Variants in NLRP5 observed in about 807,000 individuals in gnomAD.
NLRP5 encodes the protein NLR family pyrin domain containing 5.
In NLRP5, 93 loss-of-function variants were observed where a neutral mutation model predicts 113.1. The ratio of observed to expected loss-of-function variants is 0.82; its 90% confidence interval spans 0.70 to 0.98. NLRP5 has a LOEUF of 0.98. Ranked by LOEUF, NLRP5 falls within the 50% of genes least tolerant of loss-of-function variation. NLRP5 has a pLI of 0.00. For missense variants in NLRP5, 1,808 were observed against 1,514.3 expected, an observed-to-expected ratio of 1.19 and a Z score of -3.22; for synonymous variants, 751 against 600.7, an observed-to-expected ratio of 1.25 and a Z score of -3.66.
chr19:56,021,871 C>T (rs1197810990), intron 6 of NLRP5, among the ~76,000 whole-genome samples: 1 of 151,882 alleles, frequency 6.6e-6, no homozygotes, highest in Non-Finnish European at 1.5e-5. Context: ...TGGCAGAGTT[C>T]TGAAAAAAGG....
intron 10 of NLRP5, among the ~76,000 whole-genome samples, chr19:56,040,024 C>T (rs547103059): frequency 6.6e-6 from 1 of 152,290 alleles, no homozygotes; most frequent in Admixed American, 6.5e-5. Context: ...AATCACAGCT[C>T]ACTGCAGCCT....
the NLRP5 span, chr19:55,988,192 G>T: frequency 7.2e-5 from 15 of 209,640 alleles, no homozygotes; most frequent in Non-Finnish European, 1.0e-4. Context: ...AGGAGTTCCA[G>T]ACCAGCCTGG....
upstream of NLRP5, among the ~76,000 whole-genome samples, chr19:55,995,424 T>A (rs964951797): frequency 6.6e-6 from 1 of 152,202 alleles, no homozygotes; most frequent in African/African-American, 2.4e-5. Context: ...AAGAGTTGGC[T>A]ATAAATATAT....
At chr19:56,004,152 A>G (rs1192978602) in intron 2 of NLRP5, 57 bp downstream of exon 2, 27 of 1,530,236 alleles carry the variant, frequency 1.8e-5, no homozygotes, top group Non-Finnish European at 2.3e-5. Flanking sequence ...TCAGGTTCTC[A>G]TGGGAACAGG....
intron 1 of NLRP5, among the ~76,000 whole-genome samples, chr19:56,002,323 G>C (rs1981685386): frequency 6.6e-6 from 1 of 152,120 alleles, no homozygotes; most frequent in Non-Finnish European, 1.5e-5. Flanking sequence ...TAAGTATTCA[G>C]CAGTTTATTT....
intron 6 of NLRP5, among the ~76,000 whole-genome samples, chr19:56,020,874 A>ATTT (rs36047346): frequency 9.5e-4 from 130 of 137,552 alleles, no homozygotes; most frequent in African/African-American, 3.0e-3. Flanking sequence ...CCTTCGTGGC[A>ATTT]TTTTTTTTTT....
intron 9 of NLRP5, among the ~76,000 whole-genome samples, chr19:56,034,391 G>C (rs967600016): frequency 6.6e-6 from 1 of 151,994 alleles, no homozygotes; most frequent in African/African-American, 2.4e-5. Context: ...TGTCTCAAAG[G>C]AAAAAAAGTG....
At chr19:55,999,821 C>T (rs558523868) in intron 1 of NLRP5, 22 of 1,539,532 alleles carry the variant, frequency 1.4e-5, no homozygotes, top group East Asian at 4.5e-5. Context: ...TATGAGGAAA[C>T]CGACCCTCAG....
At chr19:56,022,246 G>T (rs866991631) in intron 6 of NLRP5, among the ~76,000 whole-genome samples, 3 of 152,160 alleles carry the variant, frequency 2.0e-5, no homozygotes, top group Middle Eastern at 3.4e-3. Flanking sequence ...TTGAAACAGG[G>T]TCTTGCTGTG....
chr19:56,018,615 G>A (rs1982495858), intron 4 of NLRP5: 1 of 152,158 alleles, frequency 6.6e-6, no homozygotes, highest in Non-Finnish European at 1.5e-5. Context: ...AAGAGAGAGA[G>A]TTTTGCTGTA....
At chr19:56,037,714 A>AAAG (rs200215825) in intron 9 of NLRP5, among the ~76,000 whole-genome samples, 45 of 131,738 alleles carry the variant, frequency 3.4e-4, no homozygotes, top group Middle Eastern at 4.2e-3. Flanking sequence ...AAAAAAAAAA[A>AAAG]TGTTGGCTGG....
Position 56,046,812 on chromosome 19 carries a change from G to A in NLRP5, c.2958-3606G>A, listed in dbSNP as rs183725175. Among the ~76,000 whole-genome samples, 7 of 152,344 alleles carry A rather than the reference G, an allele frequency of 4.6e-5. 1 individual carries two copies. Among genetic ancestry groups the A allele is most frequent in the South Asian group, 2.1e-4 (1 of 4,832 alleles). ...CTCCCAAAGTGCTGGGATCACAGGC[G>A]TGAGCCATCGCGCCCAGCCACCACT... is the stretch of plus-strand genomic sequence containing the variant. On this transcript the variant is annotated intron_variant, in intron 11 of 14. Transcript: ENST00000390649.
intron 3 of NLRP5, among the ~76,000 whole-genome samples, chr19:56,013,165 G>C (rs1304057757): frequency 2.0e-5 from 3 of 151,976 alleles, no homozygotes; most frequent in African/African-American, 7.3e-5. Flanking sequence ...TTGTGTGACT[G>C]GCTTTCTTCA....
intron 11 of NLRP5, among the ~76,000 whole-genome samples, chr19:56,048,924 T>G (rs961516554): frequency 6.7e-6 from 1 of 150,184 alleles, no homozygotes; most frequent in African/African-American, 2.4e-5. Flanking sequence ...TTTCTGTCTT[T>G]GGTGGATTGG....
chr19:56,030,764 G>C (rs1369197528), intron 7 of NLRP5, among the ~76,000 whole-genome samples: 1 of 114,458 alleles, frequency 8.7e-6, no homozygotes, highest in Non-Finnish European at 1.6e-5. Context: ...ACCCAGGCTG[G>C]AGTGCAGTGG....
intron 11 of NLRP5, among the ~76,000 whole-genome samples, chr19:56,046,414 G>T (rs1983727490): frequency 6.6e-6 from 1 of 150,714 alleles, no homozygotes; most frequent in Admixed American, 6.6e-5. Context: ...GTGTGTGTGT[G>T]TGTGTGTGTT....
the NLRP5 span, chr19:55,988,440 G>GTATATATATATATATATATATA: frequency 9.9e-6 from 1 of 100,558 alleles, no homozygotes; most frequent in Non-Finnish European, 2.0e-5. Flanking sequence ...ATATATGTGT[G>GTATATATATATATATATATATA]TGTGTATATA....
At chr19:55,997,786 C>A (rs1227214829), upstream of NLRP5, among the ~76,000 whole-genome samples, 3 of 151,956 alleles carry the variant, frequency 2.0e-5, no homozygotes, top group African/African-American at 7.3e-5. Flanking sequence ...TCACTTGACC[C>A]CAGAAGGCAG....
intron 4 of NLRP5, among the ~76,000 whole-genome samples, chr19:56,016,353 A>G (rs1035964499): frequency 2.6e-5 from 4 of 151,974 alleles, no homozygotes; most frequent in African/African-American, 9.7e-5. Flanking sequence ...GGGTTTCTGC[A>G]TGTTGGTCAG....
Sources: allele counts gnomAD v4.1 joint callset (sites outside exome capture counted in the v4.1 genomes callset), GRCh38; gene constraint gnomAD v4.1.1; transcripts MANE v1.5; gene names NCBI Gene and HGNC (gene_info 2026-07-23, HGNC 2026-07-21).